The following LOXHD1 variants were observed in gnomAD, a reference collection of about 807,000 sequenced individuals.
The protein encoded by LOXHD1 is lipoxygenase homology domain-containing protein 1.
A neutral mutation model predicts 248.2 loss-of-function variants in LOXHD1; 205 were observed. The ratio of observed to expected loss-of-function variants is 0.83; its 90% CI spans 0.74 to 0.93. The LOEUF (loss-of-function observed/expected upper bound fraction) is 0.93, where lower values mean the gene tolerates loss of function less well. Among genes scored for constraint, LOXHD1 ranks in the 40% least tolerant of loss-of-function variants. LOXHD1 has a pLI of 0.00. For synonymous variants in LOXHD1, 1,113 were observed against 1,162.8 expected (o/e 0.96, Z 0.87); for missense variants, 2,930 against 2,971.6 (o/e 0.99, Z 0.33).
At chr18:46,571,520 T>C (rs1352953511) in intron 15 of LOXHD1, among the ~76,000 whole-genome samples, 1 of 152,206 alleles carries the variant, frequency 6.6e-6, no homozygotes, top group Admixed American at 6.5e-5. Flanking sequence ...CTTCCGGTTC[T>C]AAGTTTCTCC....
At chr18:46,611,603 T>C (rs901084491) in intron 5 of LOXHD1, among the ~76,000 whole-genome samples, 6 of 152,240 alleles carry the variant, frequency 3.9e-5, no homozygotes, top group Admixed American at 3.9e-4. Context: ...CAATTTTTGC[T>C]GAAACCATCC....
chr18:46,615,521 G>T (rs990893652), intron 5 of LOXHD1, among the ~76,000 whole-genome samples: 1 of 152,052 alleles, frequency 6.6e-6, no homozygotes, highest in South Asian at 2.1e-4. Flanking sequence ...TTTTTAAATG[G>T]GGTGAGATGT....
At chr18:46,631,316 C>G (rs557734853) in intron 4 of LOXHD1, among the ~76,000 whole-genome samples, 1 of 152,164 alleles carries the variant, frequency 6.6e-6, no homozygotes, top group East Asian at 1.9e-4. Context: ...ACAACCCCCC[C>G]ACCACCATCA....
chr18:46,506,667 T>C (rs1333605139), intron 36 of LOXHD1, among the ~76,000 whole-genome samples: 1 of 152,232 alleles, frequency 6.6e-6, no homozygotes, highest in East Asian at 1.9e-4. Flanking sequence ...ATTGTGAGAA[T>C]AGGAAGAAAG....
chr18:46,498,974 A>G (rs1415894505), intron 37 of LOXHD1, among the ~76,000 whole-genome samples: 1 of 152,232 alleles, frequency 6.6e-6, no homozygotes, highest in Non-Finnish European at 1.5e-5. Flanking sequence ...GGAAGTCTAG[A>G]AAAGGATAGA....
intron 15 of LOXHD1, among the ~76,000 whole-genome samples, chr18:46,571,211 T>C (rs1302640425): frequency 6.6e-6 from 1 of 152,184 alleles, no homozygotes. Context: ...CTCATGCCTC[T>C]AATCCCAGCA....
At chr18:46,532,990 T>G (rs970407618) in intron 28 of LOXHD1, among the ~76,000 whole-genome samples, 172 bp downstream of exon 28, 1 of 152,346 alleles carries the variant, frequency 6.6e-6, no homozygotes, top group African/African-American at 2.4e-5. Flanking sequence ...CTGTGTGCAC[T>G]TAGGCAGATT....
intron 29 of LOXHD1, among the ~76,000 whole-genome samples, chr18:46,526,722 A>C (rs1231021962): frequency 3.3e-5 from 5 of 152,194 alleles, no homozygotes; most frequent in Non-Finnish European, 2.9e-5. Context: ...GGACAGGTTA[A>C]CTGAGGAAGC....
At chr18:46,550,466 G>T (rs1048549910) in intron 21 of LOXHD1, among the ~76,000 whole-genome samples, 1 of 150,874 alleles carries the variant, frequency 6.6e-6, no homozygotes, top group African/African-American at 2.4e-5. Context: ...CCAGCTACTC[G>T]GGAGGCTGAG....
chr18:46,542,603 G>T, intron 24 of LOXHD1, 124 bp downstream of exon 24: 1 of 1,204,640 alleles, frequency 8.3e-7, no homozygotes, highest in Non-Finnish European at 1.2e-6. Flanking sequence ...AAGGGATTAA[G>T]GAAGCTGTGT....
At chr18:46,619,679 T>A (rs2038641095) in intron 4 of LOXHD1, among the ~76,000 whole-genome samples, 1 of 152,128 alleles carries the variant, frequency 6.6e-6, no homozygotes, top group South Asian at 2.1e-4. Context: ...AAAACTTAAT[T>A]TCATCCCTTC....
intron 1 of LOXHD1, among the ~76,000 whole-genome samples, chr18:46,650,306 C>T (rs754189726): frequency 1.1e-4 from 17 of 152,122 alleles, no homozygotes; most frequent in East Asian, 1.9e-4. Flanking sequence ...AATAATTCCA[C>T]GTTGGGAAGA....
chr18:46,560,195 C>T lies in LOXHD1; in HGVS notation c.2949G>A (p.Met983Ile), dbSNP rs1428377950. ...EEEEEEFGPG[M>I]QEVIEQHKFE... The stretch of plus-strand genomic sequence containing the variant: ...ACTTGTGCTGCTCAATCACCTCCTG[C>T]ATCCCCGGCCCAAACTCCTCCTCTT... The change falls in exon 19 of 41, where the codon ATG (methionine) becomes ATA (isoleucine). Residue 983 changes from methionine to isoleucine, a missense_variant. Physicochemically the swap from Met to Ile is conservative, Grantham distance 10. Transcript: ENST00000642948. 2 of 1,551,830 alleles carry T rather than the reference C, an allele frequency of 1.3e-6. No homozygotes were observed. Among genetic ancestry groups the T allele is most frequent in the Non-Finnish European group, 1.7e-6 (2 of 1,147,018 alleles).
intron 21 of LOXHD1, among the ~76,000 whole-genome samples, chr18:46,547,525 T>C (rs1438783592): frequency 6.6e-6 from 1 of 152,172 alleles, no homozygotes; most frequent in Non-Finnish European, 1.5e-5. Context: ...ACAGAGAGTA[T>C]GGCTGAGGAG....
intron 37 of LOXHD1, among the ~76,000 whole-genome samples, chr18:46,504,124 G>T (rs1408286538): frequency 6.6e-6 from 1 of 150,864 alleles, no homozygotes; most frequent in African/African-American, 2.4e-5. Flanking sequence ...GTTTTGTTTT[G>T]TTTTTTTTTG....
intron 21 of LOXHD1, among the ~76,000 whole-genome samples, chr18:46,551,985 G>T (rs903159317): frequency 1.3e-5 from 2 of 152,180 alleles, no homozygotes; most frequent in Non-Finnish European, 2.9e-5. Context: ...CCATTTCTAT[G>T]AGGTCCCTAG....
At chr18:46,486,418 T>C (rs1205261984) in intron 38 of LOXHD1, among the ~76,000 whole-genome samples, 1 of 152,166 alleles carries the variant, frequency 6.6e-6, no homozygotes, top group Non-Finnish European at 1.5e-5. Flanking sequence ...GAGAAATCTC[T>C]GCTACCTGAA....
intron 37 of LOXHD1, among the ~76,000 whole-genome samples, chr18:46,501,426 G>C (rs949636992): frequency 9.9e-5 from 15 of 152,134 alleles, no homozygotes; most frequent in African/African-American, 3.6e-4. Context: ...CAAACATAGT[G>C]GTTGGTCCTC....
At chr18:46,587,086 TACCAATATTGTCTCCTC>T (rs1289126873) in intron 12 of LOXHD1, among the ~76,000 whole-genome samples, 22 of 152,198 alleles carry the variant, frequency 1.4e-4, no homozygotes, top group Non-Finnish European at 2.9e-4. Flanking sequence ...ATCTCCTGCC[TACCAATATTGTCTCCTC>T]ATAGGGCCAC....
Sources: allele counts gnomAD v4.1 joint callset (sites outside exome capture counted in the v4.1 genomes callset), GRCh38; gene constraint gnomAD v4.1.1; transcripts MANE v1.5; gene names NCBI Gene and HGNC (gene_info 2026-07-23, HGNC 2026-07-21).